AUTS2: variants seen among roughly 807,000 people sequenced by gnomAD.
AUTS2 encodes autism susceptibility gene 2 protein.
In AUTS2, 17 loss-of-function variants were observed where a neutral mutation model predicts 112.4. That is an observed-to-expected ratio of 0.15 (90% CI 0.10 to 0.23). The LOEUF (loss-of-function observed/expected upper bound fraction) is 0.23, where lower values mean the gene tolerates loss of function less well. Ranked by LOEUF, AUTS2 falls within the 10% of genes least tolerant of loss-of-function variation. AUTS2 has a pLI of 1.00. For synonymous variants in AUTS2, 751 were observed against 702.7 expected (o/e 1.07, Z -1.09); for missense variants, 1,510 against 1,701.6 (o/e 0.89, Z 1.98).
At chr7:70,298,136 A>G (rs1316733372) in intron 4 of AUTS2, among the ~76,000 whole-genome samples, 2 of 151,924 alleles carry the variant, frequency 1.3e-5, no homozygotes, top group Non-Finnish European at 2.9e-5. Context: ...GATTCAAGCA[A>G]TTCTTCTGCC....
At chr7:70,248,750 T>G (rs1413786375) in intron 4 of AUTS2, among the ~76,000 whole-genome samples, 1 of 152,196 alleles carries the variant, frequency 6.6e-6, no homozygotes, top group Non-Finnish European at 1.5e-5. Flanking sequence ...CTCTAGAAAT[T>G]TAATAAAAAC....
At chr7:70,765,062 C>T in intron 8 of AUTS2, 57 bp downstream of exon 8, 1 of 1,596,976 alleles carries the variant, frequency 6.3e-7, no homozygotes, top group Non-Finnish European at 8.5e-7. Context: ...TCGCTGTGAC[C>T]TCACCCTACC....
chr7:69,927,060 T>G (rs1432412841), intron 2 of AUTS2, among the ~76,000 whole-genome samples: 1 of 147,512 alleles, frequency 6.8e-6, no homozygotes, highest in Non-Finnish European at 1.5e-5. Context: ...AAATGATATG[T>G]TAAATACTTT....
intron 6 of AUTS2, among the ~76,000 whole-genome samples, chr7:70,722,659 C>A (rs1786762906): frequency 6.6e-6 from 1 of 152,166 alleles, no homozygotes; most frequent in African/African-American, 2.4e-5. Flanking sequence ...CTCAGCACCC[C>A]TTAAGTTGGG....
At chr7:69,825,330 A>G (rs1791191390) in intron 1 of AUTS2, among the ~76,000 whole-genome samples, 1 of 152,116 alleles carries the variant, frequency 6.6e-6, no homozygotes. Flanking sequence ...CCAGTTCCAG[A>G]TACATAGTTG....
chr7:70,577,253 A>G (rs751400650), intron 5 of AUTS2, among the ~76,000 whole-genome samples: 18 of 152,266 alleles, frequency 1.2e-4, no homozygotes, highest in African/African-American at 1.7e-4. Flanking sequence ...GCTTCCCATC[A>G]TCACCGTGGC....
chr7:69,872,689 A>T (rs1793551688), intron 1 of AUTS2, among the ~76,000 whole-genome samples: 3 of 151,738 alleles, frequency 2.0e-5, no homozygotes. Context: ...CATTGCAACC[A>T]CTACAGTGGT....
At chr7:70,073,594 G>A (rs933670607) in intron 2 of AUTS2, among the ~76,000 whole-genome samples, 2 of 151,740 alleles carry the variant, frequency 1.3e-5, no homozygotes, top group Non-Finnish European at 2.9e-5. Flanking sequence ...TTTTGCCACA[G>A]ATGAGTTATG....
rs181817804 is a variant in AUTS2, at chr7:70,787,161, T to C, written c.2309-48T>C. The stretch of plus-strand genomic sequence containing the variant: ...TGGTAAGTACCTTCATTACAGCAGA[T>C]TATATAATTTCTCTTAAACCTTTTT... On this transcript the variant is annotated intron_variant, in intron 17 of 18. Coordinates refer to ENST00000342771, the MANE Select transcript of AUTS2 (RefSeq NM_015570.4). 2.0e-4 allele frequency: 317 copies of C among 1,575,172 alleles called. 3 individuals carry two copies. In the African/African-American group the frequency reaches 3.9e-3, roughly 19 times the overall value.
intron 1 of AUTS2, among the ~76,000 whole-genome samples, chr7:69,887,015 C>T (rs1290733997): frequency 6.6e-6 from 1 of 152,124 alleles, no homozygotes; most frequent in Non-Finnish European, 1.5e-5. Context: ...GGGCTTAAGC[C>T]AGTCCACCTG....
chr7:69,882,013 G>A (rs1487693957), intron 1 of AUTS2, among the ~76,000 whole-genome samples: 1 of 151,754 alleles, frequency 6.6e-6, no homozygotes, highest in Non-Finnish European at 1.5e-5. Flanking sequence ...AGCTGGGAGT[G>A]GTGGTGCACG....
At chr7:70,665,154 A>C (rs965267515) in intron 5 of AUTS2, among the ~76,000 whole-genome samples, 1 of 152,190 alleles carries the variant, frequency 6.6e-6, no homozygotes. Flanking sequence ...AAACTAATAC[A>C]AAACTGGCTT....
At chr7:70,487,330 T>C (rs1798053136) in intron 5 of AUTS2, among the ~76,000 whole-genome samples, 1 of 152,200 alleles carries the variant, frequency 6.6e-6, no homozygotes, top group Admixed American at 6.5e-5. Flanking sequence ...TCAAGAAGTG[T>C]TAATTTAATA....
At chr7:69,689,600 G>C (rs1449831750) in intron 1 of AUTS2, among the ~76,000 whole-genome samples, 4 of 147,654 alleles carry the variant, frequency 2.7e-5, no homozygotes, top group Non-Finnish European at 6.0e-5. Flanking sequence ...TTGGCCTCCT[G>C]AAGTGCTGGG....
chr7:69,914,519 C>T (rs914527214), intron 2 of AUTS2, among the ~76,000 whole-genome samples: 7 of 151,904 alleles, frequency 4.6e-5, no homozygotes, highest in African/African-American at 9.7e-5. Context: ...GCAACCCCTG[C>T]GCCCTGCGTG....
intron 5 of AUTS2, among the ~76,000 whole-genome samples, chr7:70,563,085 G>T (rs1489912850): frequency 6.6e-6 from 1 of 152,116 alleles, no homozygotes; most frequent in East Asian, 1.9e-4. Context: ...TCTAAAAGTG[G>T]AGCTATGTAA....
intron 2 of AUTS2, among the ~76,000 whole-genome samples, chr7:69,923,505 A>C (rs1795893359): frequency 6.6e-6 from 1 of 152,340 alleles, no homozygotes. Context: ...GAATCTGGCC[A>C]AGATGTTGGT....
chr7:69,748,977 G>T (rs1014319711), intron 1 of AUTS2, among the ~76,000 whole-genome samples: 2 of 152,144 alleles, frequency 1.3e-5, no homozygotes, highest in Non-Finnish European at 2.9e-5. Flanking sequence ...GTGGGGTGAG[G>T]TAGAAGGAGC....
At chr7:69,990,582 G>A (rs1271942931) in intron 2 of AUTS2, among the ~76,000 whole-genome samples, 1 of 152,112 alleles carries the variant, frequency 6.6e-6, no homozygotes, top group Non-Finnish European at 1.5e-5. Flanking sequence ...ATGAAAATAT[G>A]AGTGTAACTT....
Sources: allele counts gnomAD v4.1 joint callset (sites outside exome capture counted in the v4.1 genomes callset), GRCh38; gene constraint gnomAD v4.1.1; transcripts MANE v1.5; gene names NCBI Gene and HGNC (gene_info 2026-07-23, HGNC 2026-07-21).